Variants in RGS6 observed in about 807,000 individuals in gnomAD.
The protein encoded by RGS6 is regulator of G-protein signaling 6.
A neutral mutation model predicts 78.5 loss-of-function variants in RGS6; 30 were observed. The ratio of observed to expected loss-of-function variants is 0.38; its 90% CI spans 0.29 to 0.52. The LOEUF (loss-of-function observed/expected upper bound fraction) is 0.52, where lower values mean the gene tolerates loss of function less well. RGS6 is among the 20% of genes least tolerant of loss of function. The probability of loss-of-function intolerance (pLI) is 0.85; values close to 1 mark genes in which losing one functional copy is unlikely to be tolerated. For synonymous variants in RGS6, 206 were observed against 206.0 expected, an observed-to-expected ratio of 1.00 and a Z score of 0.00; for missense variants, 495 against 609.7, an observed-to-expected ratio of 0.81 and a Z score of 1.98.
chr14:72,332,381 C>A (rs1223226213), intron 2 of RGS6, among the ~76,000 whole-genome samples: 4 of 152,212 alleles, frequency 2.6e-5, no homozygotes, highest in Non-Finnish European at 5.9e-5. Flanking sequence ...TTTCATAACA[C>A]CCCCAGTTCC....
intron 2 of RGS6, among the ~76,000 whole-genome samples, chr14:72,236,987 C>T (rs2051251011): frequency 6.6e-6 from 1 of 152,184 alleles, no homozygotes; most frequent in South Asian, 2.1e-4. Flanking sequence ...TACGTGCACG[C>T]AGAGGGAACC....
chr14:71,936,384 G>T (rs1014148569), intron 1 of RGS6, among the ~76,000 whole-genome samples: 2 of 151,886 alleles, frequency 1.3e-5, no homozygotes, highest in African/African-American at 4.8e-5. Flanking sequence ...CCAGATTAAG[G>T]GTGGATCTGC....
intron 2 of RGS6, among the ~76,000 whole-genome samples, chr14:72,058,499 T>C (rs1596808361): frequency 6.6e-6 from 1 of 151,876 alleles, no homozygotes; most frequent in East Asian, 1.9e-4. Flanking sequence ...GGAATAGGTA[T>C]ATAAAGGGTT....
At chr14:72,068,196 C>T (rs2094246259) in intron 2 of RGS6, among the ~76,000 whole-genome samples, 1 of 148,528 alleles carries the variant, frequency 6.7e-6, no homozygotes, top group African/African-American at 2.5e-5. Context: ...TGCAGTGGTA[C>T]AATCTTGACT....
At chr14:71,896,275 C>A in the RGS6 span, among the ~76,000 whole-genome samples, 2 of 152,120 alleles carry the variant, frequency 1.3e-5, no homozygotes, top group South Asian at 4.1e-4. Context: ...AGAGCAGCCC[C>A]GAGGGCTGCT....
chr14:72,399,549 A>G (rs2092060812), intron 3 of RGS6, among the ~76,000 whole-genome samples: 2 of 152,124 alleles, frequency 1.3e-5, no homozygotes, highest in African/African-American at 4.8e-5. Context: ...TAGTATTGTT[A>G]TGTGTGAATT....
intron 13 of RGS6, among the ~76,000 whole-genome samples, chr14:72,502,218 G>A (rs74063449): frequency 0.078 from 11,924 of 152,234 alleles, 1,300 homozygotes; most frequent in African/African-American, 0.25. Flanking sequence ...GAGGCCATGT[G>A]CAGACAGTCT....
chr14:72,371,974 C>A (rs1431557154), intron 3 of RGS6, among the ~76,000 whole-genome samples: 1 of 152,070 alleles, frequency 6.6e-6, no homozygotes, highest in East Asian at 1.9e-4. Flanking sequence ...ACACTAAAAT[C>A]GCTGGATGAG....
intron 2 of RGS6, among the ~76,000 whole-genome samples, chr14:72,078,722 A>G (rs931806706): frequency 1.3e-5 from 2 of 152,052 alleles, no homozygotes; most frequent in African/African-American, 4.8e-5. Flanking sequence ...CCGGCCAGGT[A>G]TTTCTTTATA....
At chr14:72,392,581 G>A (rs917361872) in intron 3 of RGS6, among the ~76,000 whole-genome samples, 3 of 152,154 alleles carry the variant, frequency 2.0e-5, no homozygotes, top group Non-Finnish European at 2.9e-5. Flanking sequence ...CCAGCAACAT[G>A]AGCCACAGAT....
At chr14:72,538,248 T>C (rs2153504107) in intron 16 of RGS6, among the ~76,000 whole-genome samples, 1 of 152,296 alleles carries the variant, frequency 6.6e-6, no homozygotes. Context: ...TCATAAAAGG[T>C]ATGTGAGATT....
chr14:71,905,396 A>G, the RGS6 span, among the ~76,000 whole-genome samples: 1 of 152,244 alleles, frequency 6.6e-6, no homozygotes, highest in South Asian at 2.1e-4. Context: ...TTTGAAAGGG[A>G]CATAGAATTA....
intron 12 of RGS6, among the ~76,000 whole-genome samples, chr14:72,487,098 A>G (rs1324722579): frequency 6.6e-6 from 1 of 152,022 alleles, no homozygotes; most frequent in Non-Finnish European, 1.5e-5. Context: ...GGAAACTCCA[A>G]GATGCACTTT....
At position 72,562,604 on chromosome 14, in the gene RGS6, G is replaced by A. The variant is rs76858694; in HGVS notation, c.*137G>A. 2.6e-4 allele frequency: 401 copies of A among 1,536,718 alleles called. 2 individuals are homozygous for A. The African/African-American group carries it at 4.7e-3, about 18-fold the overall frequency. On this transcript the variant is annotated 3_prime_UTR_variant, in exon 18 of 18. Coordinates refer to ENST00000553525, the MANE Select transcript of RGS6 (RefSeq NM_001204424.2). Reference sequence around the variant, plus strand: ...AGAAAGAGTGAGGGCAATGAAGGGCGATGGTGGGGAGACTCGGTGGGTGAA... The same window carrying A: ...AGAAAGAGTGAGGGCAATGAAGGGCAATGGTGGGGAGACTCGGTGGGTGAA...
At chr14:72,539,968 T>C (rs1480258494) in intron 16 of RGS6, 73 bp from the exon 17 acceptor site, 2 of 1,340,666 alleles carry the variant, frequency 1.5e-6, no homozygotes, top group African/African-American at 3.0e-5. Flanking sequence ...TGCTGCTGTT[T>C]GGGAACCACG....
intron 2 of RGS6, among the ~76,000 whole-genome samples, chr14:72,086,086 T>A (rs2095029409): frequency 6.6e-6 from 1 of 152,084 alleles, no homozygotes; most frequent in African/African-American, 2.4e-5. Context: ...TGAAGTCATT[T>A]AAAAAAATGT....
At chr14:72,495,098 A>C in intron 12 of RGS6, 54 bp from the exon 13 acceptor site, 1 of 1,025,834 alleles carries the variant, frequency 9.7e-7, no homozygotes, top group South Asian at 1.3e-5. Flanking sequence ...AAACAGAATA[A>C]AGGGGTTTTC....
chr14:72,003,719 G>A (rs989171464), intron 2 of RGS6, among the ~76,000 whole-genome samples: 6 of 152,130 alleles, frequency 3.9e-5, no homozygotes, highest in Non-Finnish European at 5.9e-5. Context: ...GGGGATGGGG[G>A]AAGGGATGGA....
chr14:72,223,975 C>G (rs1213718648), intron 2 of RGS6, among the ~76,000 whole-genome samples: 1 of 152,216 alleles, frequency 6.6e-6, no homozygotes, highest in Non-Finnish European at 1.5e-5. Context: ...AGCAGAGACA[C>G]AGAAACAAAT....
Sources: gnomAD v4.1 joint callset for allele counts (sites outside exome capture counted in the v4.1 genomes callset) on GRCh38, gnomAD v4.1.1 for gene constraint, MANE v1.5 for transcripts, NCBI Gene and HGNC (gene_info 2026-07-23, HGNC 2026-07-21) for gene names.